Variants in KPNB1 observed in about 807,000 individuals in gnomAD.
The protein encoded by KPNB1 is karyopherin subunit beta 1.
Under a neutral mutation model 113.0 loss-of-function variants are expected in KPNB1, and 7 were observed. The observed-to-expected ratio is 0.06, with a 90% CI of 0.04 to 0.12. The LOEUF (loss-of-function observed/expected upper bound fraction) is 0.12. KPNB1 is among the 10% of genes least tolerant of loss of function. The pLI, the probability that KPNB1 is intolerant of heterozygous loss-of-function variation, is 1.00. For missense variants in KPNB1, 400 were observed against 1,054.8 expected (o/e 0.38, Z 8.60); for synonymous variants, 363 against 378.6 (o/e 0.96, Z 0.48).
At position 47,666,428 on chromosome 17, in the gene KPNB1, T is replaced by A. The variant is rs553212471; in HGVS notation, c.999+1270T>A. ...TGTGTGTGTGTGTGTGTGTATTTTA[T>A]ATATATATTATATATTTTATATATT... is the stretch of plus-strand genomic sequence containing the variant. On this transcript the variant is annotated intron_variant, in intron 9 of 21. Coordinates refer to ENST00000290158, the MANE Select transcript of KPNB1 (RefSeq NM_002265.6). 1.5e-3 allele frequency among the ~76,000 whole-genome samples: 214 copies of A among 139,164 alleles called. 1 individual carries two copies. Among genetic ancestry groups the A allele is most frequent in the African/African-American group, 5.4e-3 (205 of 37,966 alleles). The allele number at this position is 139,164 out of a possible 152,430, so 91.3% of individuals were successfully genotyped here.
chr17:47,675,372 G>GTTTTTTTTTTTTTTTTTTTTTTTTTTTT (rs755565036), intron 15 of KPNB1, among the ~76,000 whole-genome samples: 1 of 86,076 alleles, frequency 1.2e-5, no homozygotes, highest in Non-Finnish European at 2.2e-5. Context: ...TTTTTTTTTT[G>GTTTTTTTTTTTTTTTTTTTTTTTTTTTT]TTTTTTTTTT....
chr17:47,675,010 G>A (rs546146013), intron 15 of KPNB1, among the ~76,000 whole-genome samples: 5 of 152,228 alleles, frequency 3.3e-5, no homozygotes, highest in African/African-American at 1.2e-4. Flanking sequence ...GGTAGAGATG[G>A]AGTTTCGCCA....
intron 6 of KPNB1, among the ~76,000 whole-genome samples, chr17:47,662,647 C>T (rs534494560): frequency 1.8e-4 from 27 of 151,420 alleles, no homozygotes; most frequent in Admixed American, 3.3e-4. Context: ...TTTAGGTGGC[C>T]GAGGTGAGTG....
At chr17:47,672,429 G>C (rs562113123) in intron 12 of KPNB1, among the ~76,000 whole-genome samples, 34 of 150,596 alleles carry the variant, frequency 2.3e-4, no homozygotes, top group African/African-American at 7.8e-4. Context: ...ACGGAGTTTC[G>C]GTCTTGTTGC....
rs373283700 is a variant in KPNB1, at chr17:47,650,225, C to T, written c.-20C>T. ...CGGGCCGTCGTCTTAGGAGGAGTCGCCGCCGCCGCCACCTCCGCCATGGAG... is the reference window on the plus strand; with the variant it reads ...CGGGCCGTCGTCTTAGGAGGAGTCGTCGCCGCCGCCACCTCCGCCATGGAG... On this transcript the variant is annotated 5_prime_UTR_variant, in exon 1 of 22. Transcript: ENST00000290158. The T allele has an allele frequency of 2.9e-5, 43 of 1,479,930 alleles. No individual in the cohort carries two copies. The highest frequency in any genetic ancestry group is 3.9e-5 in the Non-Finnish European group (43 of 1,104,620). The allele number at this position is 1,479,930 out of a possible 1,614,324, so 91.7% of individuals were successfully genotyped here. A position where few individuals can be genotyped will look rare whatever the true frequency, so the allele number is the denominator to read the frequency against.
chr17:47,685,199 C>G lies in KPNB1; in HGVS notation c.*2795C>G, dbSNP rs370044910. ...GGCAACTGTAATATTGCCTTAGGGA[C>G]TTGTGGAGAAGGGGAATTGCTCAGT... On this transcript the variant is annotated 3_prime_UTR_variant, in exon 22 of 22. Coordinates refer to ENST00000290158, the MANE Select transcript of KPNB1 (RefSeq NM_002265.6). 6.6e-6 allele frequency: 1 copy of G among 152,172 alleles called. No homozygotes were observed. Among genetic ancestry groups the G allele is most frequent in the African/African-American group, 2.4e-5 (1 of 41,434 alleles). 9.4% of individuals were successfully genotyped at this position (152,172 alleles called of 1,614,324 possible). A position where few individuals can be genotyped will look rare whatever the true frequency, so the allele number is the denominator to read the frequency against.
intron 15 of KPNB1, among the ~76,000 whole-genome samples, chr17:47,675,384 TG>T (rs59214861): frequency 0.013 from 1,354 of 105,700 alleles, 119 homozygotes; most frequent in African/African-American, 0.031. Context: ...TTTTTTTTTT[TG>T]TTTGTTTTTT....
Position 47,673,060 on chromosome 17 carries a change from A to G in KPNB1, c.1590A>G (p.Glu530=). The part of the protein sequence containing the change: ...HQNNLRSSAY[E]SLMEIVKNSA... ...ACAACCTGAGGAGTTCTGCATATGAATCTCTGATGGAAATTGTGAAAAACA... is the reference window on the plus strand; with the variant it reads ...ACAACCTGAGGAGTTCTGCATATGAGTCTCTGATGGAAATTGTGAAAAACA... Residue 530 remains glutamate (E), a synonymous_variant, in exon 13 of 22, where the codon GAA becomes GAG. Transcript: ENST00000290158. The G allele has an allele frequency of 1.9e-6, 3 of 1,614,108 alleles. No homozygotes were observed. The highest frequency in any genetic ancestry group is 1.7e-6 in the Non-Finnish European group (2 of 1,180,010).
chr17:47,674,418 G>A (rs77832258), intron 14 of KPNB1, among the ~76,000 whole-genome samples: 3 of 152,174 alleles, frequency 2.0e-5, no homozygotes, highest in Non-Finnish European at 4.4e-5. Flanking sequence ...TCTGCACAAC[G>A]GAGGATCAGC....
At chr17:47,659,898 CA>C (rs979619147) in intron 5 of KPNB1, among the ~76,000 whole-genome samples, 68 of 135,600 alleles carry the variant, frequency 5.0e-4, no homozygotes, top group Middle Eastern at 3.8e-3. Context: ...ACTCTGTCTC[CA>C]AAAAAAAAAA....
intron 14 of KPNB1, among the ~76,000 whole-genome samples, chr17:47,674,108 C>T (rs1420197675): frequency 6.6e-6 from 1 of 152,150 alleles, no homozygotes; most frequent in Non-Finnish European, 1.5e-5. Context: ...TCTTTTGAAA[C>T]ATTTGCTGTT....
At chr17:47,673,405 T>C in intron 13 of KPNB1, 85 bp from the exon 14 acceptor site, 1 of 1,160,922 alleles carries the variant, frequency 8.6e-7, no homozygotes, top group Non-Finnish European at 1.3e-6. Context: ...TACTTTCCTA[T>C]GTTAGTATTA....
chr17:47,679,895 C>G, intron 19 of KPNB1, 125 bp from the exon 20 acceptor site: 1 of 639,958 alleles, frequency 1.6e-6, no homozygotes, highest in South Asian at 1.7e-5. Flanking sequence ...GACGGGGTTT[C>G]ACCGAGTTAG....
At chr17:47,650,556 C>A in intron 2 of KPNB1, 112 bp downstream of exon 2, 1 of 718,020 alleles carries the variant, frequency 1.4e-6, no homozygotes, top group South Asian at 1.7e-5. Flanking sequence ...CCCATCCCGT[C>A]CCCCTCCCCC....
intron 7 of KPNB1, among the ~76,000 whole-genome samples, chr17:47,663,772 TCCAGGAGTTTGAGA>T (rs2030181137): frequency 6.6e-6 from 1 of 151,574 alleles, no homozygotes; most frequent in Admixed American, 6.6e-5. Flanking sequence ...ATCGCTTGAG[TCCAGGAGTTTGAGA>T]CCAGCCTAGG....
rs138319850 is a variant in KPNB1 at position 47,673,459 on chromosome 17, T to C, written c.1696-31T>C. 1.2e-4 allele frequency: 185 copies of C among 1,565,184 alleles called. 1 individual carries two copies. The African/African-American group carries it at 2.1e-3, about 17-fold the overall frequency. Reference sequence around the variant, plus strand: ...TCCCAGCAAAAGTGGAAGGTTTTCATGTAGAGTATGTTTTCTTATTTTCTT... The same window carrying C: ...TCCCAGCAAAAGTGGAAGGTTTTCACGTAGAGTATGTTTTCTTATTTTCTT... On this transcript the variant is annotated intron_variant, in intron 13 of 21. Transcript: ENST00000290158.
Position 47,683,119 on chromosome 17 carries a change from ACAC to A in KPNB1, c.*716_*718del, listed in dbSNP as rs1167947395. ...AAAAAAAAAAAAAAAAAAAAAAAAA[ACAC>A]ACACACAGAGGAAAGACGCTCTTTA... is the stretch of plus-strand genomic sequence containing the variant. On this transcript the variant is annotated 3_prime_UTR_variant, in exon 22 of 22. Coordinates refer to ENST00000290158, the MANE Select transcript of KPNB1 (RefSeq NM_002265.6). The A allele has an allele frequency of 1.0e-4, 14 of 133,716 alleles. No homozygotes were observed. Among genetic ancestry groups the A allele is most frequent in the East Asian group, 2.1e-4 (1 of 4,674 alleles). The allele number at this position is 133,716 out of a possible 1,614,324, so 8.3% of individuals were successfully genotyped here.
At chr17:47,671,054 G>A (rs1475322966) in intron 12 of KPNB1, among the ~76,000 whole-genome samples, 1 of 152,222 alleles carries the variant, frequency 6.6e-6, no homozygotes, top group African/African-American at 2.4e-5. Flanking sequence ...TCAGGAGTTC[G>A]AAAGCAGTCT....
Position 47,682,618 on chromosome 17 carries a change from C to G in KPNB1, c.*214C>G. On this transcript the variant is annotated 3_prime_UTR_variant, in exon 22 of 22. Coordinates refer to ENST00000290158, the MANE Select transcript of KPNB1 (RefSeq NM_002265.6). ...TGTTAGTGAGCTAAGTAAGCACTGA[C>G]TTCGTAGAAAACCATAACATCGGCC... is the stretch of plus-strand genomic sequence containing the variant. 1 of 562,992 alleles carries G rather than the reference C, an allele frequency of 1.8e-6. No homozygotes were observed. The highest frequency in any genetic ancestry group is 3.2e-6 in the Non-Finnish European group (1 of 316,032). The allele number at this position is 562,992 out of a possible 1,614,324, so 34.9% of individuals were successfully genotyped here.
Sources: gnomAD v4.1 joint callset for allele counts (sites outside exome capture counted in the v4.1 genomes callset) on GRCh38, gnomAD v4.1.1 for gene constraint, MANE v1.5 for transcripts, NCBI Gene and HGNC (gene_info 2026-07-23, HGNC 2026-07-21) for gene names.